Variants in ABCA7 observed in about 807,000 individuals in gnomAD.
The protein encoded by ABCA7 is ATP binding cassette subfamily A member 7, also known as phospholipid-transporting ATPase ABCA7.
A neutral mutation model predicts 227.6 loss-of-function variants in ABCA7; 261 were observed. That is an observed-to-expected ratio of 1.15 (90% CI 1.04 to 1.27). ABCA7 has a LOEUF of 1.27. Among genes scored for constraint, ABCA7 ranks in the 50% most tolerant of loss-of-function variants. The pLI is 0.00. For synonymous variants in ABCA7, 1,488 were observed against 1,279.7 expected, an observed-to-expected ratio of 1.16 and a Z score of -3.47; for missense variants, 3,331 against 2,924.5, an observed-to-expected ratio of 1.14 and a Z score of -3.21.
At chr19:1,057,834 A>G (rs923624799) in intron 35 of ABCA7, 81 bp from the exon 36 acceptor site, 2 of 1,529,466 alleles carry the variant, frequency 1.3e-6, no homozygotes, top group African/African-American at 2.8e-5. Flanking sequence ...TAAGGCAGAG[A>G]AGATGGGAAT....
rs2041037593 is a variant in ABCA7, at chr19:1,048,826, AAAC to A, written c.2270-68_2270-66del. The stretch of plus-strand genomic sequence containing the variant: ...TCCGTCTCAAAAAAAAAAAAAAACA[AAAC>A]CCCAAAAAAAGCCTGGTACACTCCT... On this transcript the variant is annotated intron_variant, in intron 16 of 46. Coordinates refer to ENST00000263094, the MANE Select transcript of ABCA7 (RefSeq NM_019112.4). 5.5e-6 allele frequency: 5 copies of A among 914,164 alleles called. No homozygotes were observed. In the African/African-American group the frequency reaches 7.1e-5, roughly 13 times the overall value. The allele number at this position is 914,164 out of a possible 1,614,324, so 56.6% of individuals were successfully genotyped here.
At position 1,056,887 on chromosome 19, in the gene ABCA7, T is replaced by C. The variant is rs748585171; in HGVS notation, c.4587-20T>C. 4 of 1,608,786 alleles carry C rather than the reference T, an allele frequency of 2.5e-6. No individual in the cohort carries two copies. The highest frequency in any genetic ancestry group is 3.3e-5 in the Admixed American group (2 of 59,784). Reference sequence around the variant, plus strand: ...CCATGCACCCTCACCCTACAACAGCTCTCATGTCTTCACCTCCAGGATGGC... The same window carrying C: ...CCATGCACCCTCACCCTACAACAGCCCTCATGTCTTCACCTCCAGGATGGC... On this transcript the variant is annotated intron_variant, in intron 33 of 46. Coordinates refer to ENST00000263094, the MANE Select transcript of ABCA7 (RefSeq NM_019112.4). The surrounding 1 kb of genome is among the most constrained non-coding windows in gnomAD (Gnocchi z 4.3).
In ABCA7 at chr19:1,063,308, C is replaced by T. The variant is rs1357516997; in HGVS notation, c.5713-236C>T. On this transcript the variant is annotated intron_variant, in intron 42 of 46. Coordinates refer to ENST00000263094, the MANE Select transcript of ABCA7 (RefSeq NM_019112.4). ...CCACACTATGGCCCTGCCCCACACC[C>T]ATCCCAGCTCCACCCACACCATGGC... 1.9e-5 allele frequency among the ~76,000 whole-genome samples: 2 copies of T among 106,010 alleles called. 1 individual carries two copies. The highest frequency in any genetic ancestry group is 4.2e-5 in the Non-Finnish European group (2 of 47,632). 69.5% of individuals were successfully genotyped at this position (106,010 alleles called of 152,430 possible).
chr19:1,042,187 C>G lies in ABCA7; in HGVS notation c.415+11C>G. The G allele has an allele frequency of 6.3e-7, 1 of 1,599,718 alleles. No individual in the cohort carries two copies. The highest frequency in any genetic ancestry group is 8.5e-7 in the Non-Finnish European group (1 of 1,177,980). On this transcript the variant is annotated intron_variant, in intron 5 of 46. Transcript: ENST00000263094. Reference sequence around the variant, plus strand: ...CTGCACGCAGCACGGGTGAGGAGGCCGGGGGGCCTCTGGCAGGGCTGAGCT... The same window carrying G: ...CTGCACGCAGCACGGGTGAGGAGGCGGGGGGGCCTCTGGCAGGGCTGAGCT...
chr19:1,048,811 A>AAAG, intron 16 of ABCA7, 84 bp from the exon 17 acceptor site: 1 of 738,300 alleles, frequency 1.4e-6, no homozygotes, highest in Non-Finnish European at 2.0e-6. Context: ...TCCGTCTCAA[A>AAAG]AAAAAAAAAA....
rs753928366 is a variant in ABCA7, at chr19:1,055,204, G to A, written c.4058G>A (p.Arg1353Gln). The A allele has an allele frequency of 1.7e-5, 27 of 1,610,154 alleles. No homozygotes were observed. The highest frequency in any genetic ancestry group is 8.9e-5 in the East Asian group (4 of 44,696). Residue 1353 changes from arginine to glutamine, a missense_variant, in exon 30 of 47, where the codon CGG (arginine) becomes CAG (glutamine). Coordinates refer to ENST00000263094, the MANE Select transcript of ABCA7 (RefSeq NM_019112.4). ...TGCCAGTGTAGCCGGCCCGGTGCCCGGCGCCTGCTGCCCGACTGCCCGGCT... is the reference window on the plus strand; with the variant it reads ...TGCCAGTGTAGCCGGCCCGGTGCCCAGCGCCTGCTGCCCGACTGCCCGGCT... ...PACQCSRPGA[R>Q]RLLPDCPAAA...
At chr19:1,042,001 C>T (rs765580385) in intron 4 of ABCA7, 29 bp downstream of exon 4, 2 of 1,575,954 alleles carry the variant, frequency 1.3e-6, no homozygotes, top group African/African-American at 1.4e-5. Context: ...GTGCGGCCGG[C>T]CTGCAAACTC....
In ABCA7 at chr19:1,046,862, C is replaced by G. The variant is rs1367983812; in HGVS notation, c.1683C>G (p.Ser561=). ...PLFLTLAWIY[S]VTLTVKAVVR... is the part of the protein sequence containing the mutation. ...TCCTGACGCTGGCCTGGATCTACTCCGTGACACTGACAGTGAAGGCCGTGG... is the reference window on the plus strand; with the variant it reads ...TCCTGACGCTGGCCTGGATCTACTCGGTGACACTGACAGTGAAGGCCGTGG... Residue 561 remains serine, a synonymous_variant, in exon 14 of 47, where the codon TCC becomes TCG. Coordinates refer to ENST00000263094, the MANE Select transcript of ABCA7 (RefSeq NM_019112.4). 3.2e-6 allele frequency: 5 copies of G among 1,543,896 alleles called. No individual in the cohort carries two copies. Among genetic ancestry groups the G allele is most frequent in the Non-Finnish European group, 4.4e-6 (5 of 1,149,376 alleles).
chr19:1,058,519 T>C, intron 37 of ABCA7, 99 bp from the exon 38 acceptor site: 1 of 1,556,392 alleles, frequency 6.4e-7, no homozygotes, highest in Non-Finnish European at 8.7e-7. Flanking sequence ...CCTATCCAAT[T>C]TGTGTTCCTT....
At position 1,051,300 on chromosome 19, in the gene ABCA7, C is replaced by A; in HGVS notation, c.2824+6C>A. ...GCAGACTCGCCACCTCTCTGGTGAG[C>A]CCATCCCCAAGGGAGGTCACCTCAC... On this transcript the variant is annotated splice_donor_region_variant and intron_variant, in intron 20 of 46. Coordinates refer to ENST00000263094, the MANE Select transcript of ABCA7 (RefSeq NM_019112.4). 1 of 1,590,482 alleles carries A rather than the reference C, an allele frequency of 6.3e-7. No individual in the cohort carries two copies. Among genetic ancestry groups the A allele is most frequent in the East Asian group, 2.2e-5 (1 of 44,666 alleles).
intron 30 of ABCA7, 43 bp from the exon 31 acceptor site, chr19:1,055,864 C>G: frequency 2.0e-6 from 3 of 1,532,492 alleles, no homozygotes; most frequent in Non-Finnish European, 2.6e-6. Flanking sequence ...TCTCTCTGTC[C>G]CACATCCCTG....
At chr19:1,065,244 G>A in intron 46 of ABCA7, 26 bp from the exon 47 acceptor site, 1 of 1,611,704 alleles carries the variant, frequency 6.2e-7, no homozygotes, top group Non-Finnish European at 8.5e-7. Flanking sequence ...CGTCCCTCTT[G>A]TCCCCTCTGG....
chr19:1,054,062 C>G lies in ABCA7; in HGVS notation c.3529C>G (p.Arg1177Gly), dbSNP rs141885771. Reference sequence around the variant, plus strand: ...CATTGCTGGCCTAGACGTAACCCTACGGCTCAAGATGCCGCCACAGGAGAC... The same window carrying G: ...CATTGCTGGCCTAGACGTAACCCTAGGGCTCAAGATGCCGCCACAGGAGAC... ...TGIAGLDVTLRLKMPPQETAL... is the reference protein window; with the variant it reads ...TGIAGLDVTLGLKMPPQETAL... Residue 1177 changes from arginine (R) to glycine (G), a missense_variant, in exon 26 of 47, where the codon CGG (arginine) becomes GGG (glycine). Transcript: ENST00000263094. This position sits in a 1 kb window ranked among gnomAD's most constrained non-coding sequence, Gnocchi z 4.8. The G allele has an allele frequency of 6.2e-7, 1 of 1,613,316 alleles. No individual in the cohort carries two copies. The highest frequency in any genetic ancestry group is 8.5e-7 in the Non-Finnish European group (1 of 1,179,960).
In ABCA7 at chr19:1,065,343, T is replaced by C. The variant is rs1456749940; in HGVS notation, c.6359T>C (p.Val2120Ala). ...GAGCAGAAGGAGGCAGGAGTGGGAG[T>C]GGACCCCGCGCCAGGCCTGCAGCAC... is the stretch of plus-strand genomic sequence containing the variant. ...TEEQKEAGVG[V>A]DPAPGLQHPK... The change falls in exon 47 of 47, where the codon GTG becomes GCG. Residue 2120 changes from valine to alanine, a missense_variant. Val to Ala is a moderately conservative substitution (Grantham distance 64). Transcript: ENST00000263094. The C allele has an allele frequency of 6.2e-7, 1 of 1,612,604 alleles. No individual in the cohort carries two copies. Among genetic ancestry groups the C allele is most frequent in the Non-Finnish European group, 8.5e-7 (1 of 1,179,770 alleles).
In ABCA7 at chr19:1,064,911, C is replaced by A. The variant is rs1337993656; in HGVS notation, c.6045-20C>A. 1.3e-6 allele frequency: 2 copies of A among 1,555,868 alleles called. No homozygotes were observed. The highest frequency in any genetic ancestry group is 1.7e-6 in the Non-Finnish European group (2 of 1,151,206). ...CCTGGGAAAGGCCCGATCCGGTAGCCCTGGCCCCACTCACTGCAGATTCGC... is the reference window on the plus strand; with the variant it reads ...CCTGGGAAAGGCCCGATCCGGTAGCACTGGCCCCACTCACTGCAGATTCGC... On this transcript the variant is annotated intron_variant, in intron 45 of 46. Coordinates refer to ENST00000263094, the MANE Select transcript of ABCA7 (RefSeq NM_019112.4).
chr19:1,047,198 C>T lies in ABCA7; in HGVS notation c.1887C>T (p.Phe629=). ...ILPYSHPGVV[F]LFLAAFAVAT... ...CCTACAGCCACCCGGGCGTGGTCTTCCTGTTCTTGGCAGCCTTCGCGGTGG... is the reference window on the plus strand; with the variant it reads ...CCTACAGCCACCCGGGCGTGGTCTTTCTGTTCTTGGCAGCCTTCGCGGTGG... The change falls in exon 15 of 47, where the codon TTC becomes TTT. Residue 629 remains phenylalanine (F), a synonymous_variant. Transcript: ENST00000263094. 6.2e-7 allele frequency: 1 copy of T among 1,606,202 alleles called. No individual in the cohort carries two copies. The highest frequency in any genetic ancestry group is 1.1e-5 in the South Asian group (1 of 90,456).
intron 14 of ABCA7, 34 bp downstream of exon 14, chr19:1,047,058 G>T: frequency 6.4e-7 from 1 of 1,551,172 alleles, no homozygotes; most frequent in South Asian, 1.2e-5. Flanking sequence ...GCTGCAGAAT[G>T]GGTGCGCTGG....
chr19:1,060,811 GGCCTGGCCCACA>G (rs1291011114), intron 40 of ABCA7, among the ~76,000 whole-genome samples: 1 of 151,926 alleles, frequency 6.6e-6, no homozygotes. Context: ...TGAGCCACTG[GGCCTGGCCCACA>G]GTATATCTTT....
rs775304143 is a variant in ABCA7 at position 1,054,750 on chromosome 19, C to G, written c.3852-30C>G. The G allele has an allele frequency of 1.2e-6, 2 of 1,609,122 alleles. No homozygotes were observed. Among genetic ancestry groups the G allele is most frequent in the Non-Finnish European group, 1.7e-6 (2 of 1,177,428 alleles). On this transcript the variant is annotated intron_variant, in intron 28 of 46. Transcript: ENST00000263094. The surrounding 1 kb of genome is among the most constrained non-coding windows in gnomAD (Gnocchi z 4.8). ...GAAGACTAGGGACCTGGGGGTACAG[C>G]CCTGACCCTACATCTCCCCTCACAC...
Sources: gnomAD v4.1 joint callset for allele counts (sites outside exome capture counted in the v4.1 genomes callset) on GRCh38, gnomAD v4.1.1 for gene constraint, Gnocchi (gnomAD v3.1) non-coding constraint, MANE v1.5 for transcripts, NCBI Gene and HGNC (gene_info 2026-07-23, HGNC 2026-07-21) for gene names.